SLC25A21: variants seen among roughly 807,000 people sequenced by gnomAD.
SLC25A21 encodes the protein mitochondrial 2-oxodicarboxylate carrier.
SLC25A21 carries 47 observed loss-of-function variants against 43.8 expected under a neutral mutation model. That is an observed-to-expected ratio of 1.07 (90% CI 0.85 to 1.37). The LOEUF (loss-of-function observed/expected upper bound fraction) is 1.37. Among genes scored for constraint, SLC25A21 ranks in the 40% most tolerant of loss-of-function variants. The probability of loss-of-function intolerance (pLI) is 0.00; values close to 1 mark genes in which losing one functional copy is unlikely to be tolerated. For synonymous variants in SLC25A21, 131 were observed against 121.3 expected (o/e 1.08, Z -0.52); for missense variants, 352 against 350.2 (o/e 1.00, Z -0.04).
intron 3 of SLC25A21, among the ~76,000 whole-genome samples, chr14:36,789,848 TTTATATATTTATATAAAAATATA>T (rs1386849794): frequency 1.8e-5 from 2 of 111,800 alleles, no homozygotes; most frequent in African/African-American, 3.9e-5. Context: ...TTTAATATAT[TTTATATATTTATATAAAAATATA>T]TTATATATTT....
At chr14:37,094,833 T>A (rs564711819) in intron 1 of SLC25A21, among the ~76,000 whole-genome samples, 1 of 152,170 alleles carries the variant, frequency 6.6e-6, no homozygotes, top group South Asian at 2.1e-4. Context: ...CAAATACTGG[T>A]ACCCAGGATA....
Position 36,679,878 on chromosome 14 carries a change from G to GAAAGT in SLC25A21, c.*775_*779dup, listed in dbSNP as rs1467097677. 2.0e-6 allele frequency: 2 copies of GAAAGT among 977,636 alleles called. No individual in the cohort carries two copies. The highest frequency in any genetic ancestry group is 2.4e-6 in the Non-Finnish European group (2 of 823,034). 60.6% of individuals were successfully genotyped at this position (977,636 alleles called of 1,614,324 possible). A position where few individuals can be genotyped will look rare whatever the true frequency, so the allele number is the denominator to read the frequency against. ...TATCTTCAAAGAGAACTATGTGGAG[G>GAAAGT]AAAGTAAATTTTATTTCATGTTTCC... On this transcript the variant is annotated 3_prime_UTR_variant, in exon 10 of 10. Transcript: ENST00000331299.
chr14:37,159,634 A>G (rs1253484164), intron 1 of SLC25A21, among the ~76,000 whole-genome samples: 1 of 152,162 alleles, frequency 6.6e-6, no homozygotes, highest in Non-Finnish European at 1.5e-5. Flanking sequence ...CTAGAAGAAA[A>G]CCTAGGGAAA....
chr14:36,909,799 G>C (rs1360871022), intron 1 of SLC25A21, among the ~76,000 whole-genome samples: 2 of 152,132 alleles, frequency 1.3e-5, no homozygotes, highest in African/African-American at 4.8e-5. Flanking sequence ...CAAATGTCCA[G>C]TGCCCCTCCT....
intron 1 of SLC25A21, among the ~76,000 whole-genome samples, chr14:37,077,618 A>G (rs1962307220): frequency 1.3e-5 from 2 of 152,116 alleles, no homozygotes; most frequent in South Asian, 4.1e-4. Context: ...ATTTCATACT[A>G]CCCTACACTG....
intron 3 of SLC25A21, among the ~76,000 whole-genome samples, chr14:36,768,291 T>C (rs1368945717): frequency 1.3e-5 from 2 of 152,208 alleles, no homozygotes; most frequent in Non-Finnish European, 1.5e-5. Context: ...AATATCAGTT[T>C]CAGTGTCAAA....
intron 3 of SLC25A21, among the ~76,000 whole-genome samples, chr14:36,790,833 A>G (rs1887458929): frequency 6.6e-6 from 1 of 152,142 alleles, no homozygotes; most frequent in Admixed American, 6.6e-5. Context: ...ATAAAACCAC[A>G]TATATCACAG....
At chr14:37,007,070 T>C (rs1387915519) in intron 1 of SLC25A21, among the ~76,000 whole-genome samples, 2 of 152,212 alleles carry the variant, frequency 1.3e-5, no homozygotes, top group Non-Finnish European at 2.9e-5. Flanking sequence ...GTGATTAAGA[T>C]ATTAGAAGGA....
rs1566482198 is a variant in SLC25A21 at position 36,678,437 on chromosome 14, T to C, written c.*2221A>G. ...AGCAGATGAACTCTCAGGGCCATAG[T>C]CTTCCTTTGATCTTGTAAAACTTCC... is the stretch of plus-strand genomic sequence containing the variant. On this transcript the variant is annotated 3_prime_UTR_variant, in exon 10 of 10. Coordinates refer to ENST00000331299, the MANE Select transcript of SLC25A21 (RefSeq NM_030631.4). The C allele has an allele frequency of 6.9e-7, 1 of 1,446,062 alleles. No individual in the cohort carries two copies. The highest frequency in any genetic ancestry group is 9.4e-7 in the Non-Finnish European group (1 of 1,063,676). 89.6% of individuals were successfully genotyped at this position (1,446,062 alleles called of 1,614,324 possible). A position where few individuals can be genotyped will look rare whatever the true frequency, so the allele number is the denominator to read the frequency against.
chr14:36,921,473 G>C (rs1168158736), intron 1 of SLC25A21, among the ~76,000 whole-genome samples: 2 of 152,044 alleles, frequency 1.3e-5, no homozygotes, highest in Non-Finnish European at 2.9e-5. Flanking sequence ...GAAATGGAAT[G>C]AATAAATTAA....
intron 1 of SLC25A21, among the ~76,000 whole-genome samples, chr14:36,905,203 C>A (rs1327864292): frequency 6.6e-6 from 1 of 152,164 alleles, no homozygotes; most frequent in Non-Finnish European, 1.5e-5. Flanking sequence ...GGATCATGAA[C>A]TATGGTAAAT....
At position 36,745,509 on chromosome 14, in the gene SLC25A21, T is replaced by C. The variant is rs554599050; in HGVS notation, c.204-10936A>G. Among the ~76,000 whole-genome samples, 52 of 152,266 alleles carry C rather than the reference T, an allele frequency of 3.4e-4. 1 individual carries two copies. In the South Asian group the frequency reaches 0.011, roughly 32 times the overall value. ...TCCACATCGTCTCCAGCCTCTGTTG[T>C]TTCTTAACTTTTTAATGATCACCAT... On this transcript the variant is annotated intron_variant, in intron 3 of 9. Transcript: ENST00000331299.
chr14:36,915,506 G>C (rs1175130533), intron 1 of SLC25A21, among the ~76,000 whole-genome samples: 1 of 148,696 alleles, frequency 6.7e-6, no homozygotes, highest in South Asian at 2.1e-4. Context: ...AAATAATACT[G>C]TCCATCTTGT....
intron 1 of SLC25A21, among the ~76,000 whole-genome samples, chr14:37,109,737 C>T (rs562526423): frequency 3.2e-4 from 49 of 151,978 alleles, no homozygotes; most frequent in Non-Finnish European, 5.7e-4. Flanking sequence ...TAAGGCGTCT[C>T]GGAATAAGAA....
intron 1 of SLC25A21, among the ~76,000 whole-genome samples, chr14:37,070,633 AC>A (rs1471094525): frequency 6.6e-6 from 1 of 152,072 alleles, no homozygotes; most frequent in Non-Finnish European, 1.5e-5. Flanking sequence ...CTTTCTCTGT[AC>A]CCTCTCACTT....
At chr14:37,090,486 T>C (rs1480140516) in intron 1 of SLC25A21, among the ~76,000 whole-genome samples, 1 of 152,196 alleles carries the variant, frequency 6.6e-6, no homozygotes, top group African/African-American at 2.4e-5. Flanking sequence ...GATATGAAGG[T>C]GACAAGACTG....
intron 1 of SLC25A21, among the ~76,000 whole-genome samples, chr14:37,128,541 T>TGTGTGG (rs1963337214): frequency 8.5e-6 from 1 of 118,114 alleles, no homozygotes; most frequent in East Asian, 2.1e-4. Context: ...TCTCTCTCTG[T>TGTGTGG]GTGTGTGTGT....
At chr14:37,156,895 A>C (rs1163322572) in intron 1 of SLC25A21, among the ~76,000 whole-genome samples, 1 of 152,192 alleles carries the variant, frequency 6.6e-6, no homozygotes, top group African/African-American at 2.4e-5. Context: ...TCAACAAAGA[A>C]ACACTGAATT....
intron 1 of SLC25A21, among the ~76,000 whole-genome samples, chr14:36,915,850 G>A (rs12431972): frequency 0.088 from 13,408 of 152,040 alleles, 987 homozygotes; most frequent in East Asian, 0.22. Context: ...GACCAGTAAC[G>A]ATATGACAAA....
Sources: allele counts gnomAD v4.1 joint callset (sites outside exome capture counted in the v4.1 genomes callset), GRCh38; gene constraint gnomAD v4.1.1; transcripts MANE v1.5; gene names NCBI Gene and HGNC (gene_info 2026-07-23, HGNC 2026-07-21).